The following HBS1L variants were observed in gnomAD, a reference collection of about 807,000 sequenced individuals.
HBS1L encodes the protein HBS1-like protein.
In HBS1L, 55 loss-of-function variants were observed where a neutral mutation model predicts 88.9. That is an observed-to-expected ratio of 0.62 (90% CI 0.50 to 0.77). The LOEUF is 0.77. HBS1L is among the 30% of genes least tolerant of loss of function. HBS1L has a pLI of 0.00. For synonymous variants in HBS1L, 267 were observed against 288.5 expected (o/e 0.93, Z 0.76); for missense variants, 741 against 829.3 (o/e 0.89, Z 1.31).
At chr6:135,028,897 G>T (rs111940478) in intron 4 of HBS1L, among the ~76,000 whole-genome samples, 1 of 151,932 alleles carries the variant, frequency 6.6e-6, no homozygotes, top group African/African-American at 2.4e-5. Flanking sequence ...AAGACAAGCT[G>T]TTTCTAAAGC....
chr6:134,968,873 A>T (rs190410263), intron 16 of HBS1L, among the ~76,000 whole-genome samples: 6 of 152,334 alleles, frequency 3.9e-5, no homozygotes, highest in Admixed American at 3.3e-4. Flanking sequence ...CAAGAAAGTT[A>T]AACACGCAGT....
Position 135,039,689 on chromosome 6 carries a change from A to G in HBS1L, c.314T>C (p.Val105Ala), listed in dbSNP as rs149078548. The G allele has an allele frequency of 1.0e-3, 1,612 of 1,613,920 alleles. No individual in the cohort carries two copies. Among genetic ancestry groups the G allele is most frequent in the Non-Finnish European group, 1.3e-3 (1,529 of 1,179,992 alleles). The part of the protein sequence containing the change: ...AVPDEILIEA[V>A]LKNKFDVQKA... ...CTGCACATCAAACTTGTTCTTCAGA[A>G]CTGCTTCAATTAATATTTCATCTGG... is the stretch of plus-strand genomic sequence containing the variant. The change falls in exon 4 of 18, where the codon GTT becomes GCT. Residue 105 changes from valine to alanine, a missense_variant. By Grantham distance (64) the Val-to-Ala change is moderately conservative (BLOSUM62 0). Around this residue, in one of 3 missense-constraint regions of HBS1L, gnomAD observed 556 missense variants for 598.4 expected, o/e 0.93. Transcript: ENST00000367837.
intron 4 of HBS1L, among the ~76,000 whole-genome samples, chr6:135,004,467 T>A (rs1775553718): frequency 6.6e-6 from 1 of 151,822 alleles, no homozygotes; most frequent in African/African-American, 2.4e-5. Flanking sequence ...GAAGCTTGTA[T>A]AATGGTCCTC....
At chr6:135,004,096 C>T (rs1220289444) in intron 4 of HBS1L, among the ~76,000 whole-genome samples, 1 of 151,916 alleles carries the variant, frequency 6.6e-6, no homozygotes, top group Non-Finnish European at 1.5e-5. Flanking sequence ...ACAGAAACCA[C>T]TAACAATATA....
intron 12 of HBS1L, among the ~76,000 whole-genome samples, 164 bp downstream of exon 12, chr6:134,985,177 A>T (rs796651714): frequency 2.6e-5 from 4 of 152,226 alleles, no homozygotes; most frequent in African/African-American, 9.6e-5. Context: ...CTAAGTGACT[A>T]AATCTGTGCA....
chr6:134,996,121 AATT>A (rs1228192065), intron 7 of HBS1L, among the ~76,000 whole-genome samples: 2 of 152,108 alleles, frequency 1.3e-5, no homozygotes, highest in African/African-American at 4.8e-5. Context: ...CCATTTCACT[AATT>A]ATTAAGGTGT....
intron 4 of HBS1L, among the ~76,000 whole-genome samples, chr6:135,005,412 G>A (rs1775583207): frequency 1.3e-5 from 2 of 152,176 alleles, no homozygotes; most frequent in Admixed American, 1.3e-4. Flanking sequence ...GCAATGTGTC[G>A]ATTACAGGGA....
chr6:134,972,806 C>T (rs533317442), intron 15 of HBS1L, among the ~76,000 whole-genome samples: 1 of 152,266 alleles, frequency 6.6e-6, no homozygotes, highest in African/African-American at 2.4e-5. Flanking sequence ...CCAATAAGCA[C>T]ATGAAAAGAT....
At chr6:135,013,228 T>C (rs1360004515) in intron 4 of HBS1L, among the ~76,000 whole-genome samples, 2 of 152,206 alleles carry the variant, frequency 1.3e-5, no homozygotes, top group Non-Finnish European at 2.9e-5. Context: ...AATGAGCCAA[T>C]ACATGTAAAG....
chr6:135,010,272 G>A (rs1387805667), intron 4 of HBS1L, among the ~76,000 whole-genome samples: 2 of 152,110 alleles, frequency 1.3e-5, no homozygotes, highest in African/African-American at 2.4e-5. Context: ...TTCAGAGACT[G>A]AGTTTACCCC....
chr6:135,019,262 T>C (rs1191745124), intron 4 of HBS1L, among the ~76,000 whole-genome samples: 2 of 151,836 alleles, frequency 1.3e-5, no homozygotes, highest in Non-Finnish European at 2.9e-5. Flanking sequence ...CTCTTCTAAA[T>C]TAATGTGGAA....
chr6:134,975,797 C>T (rs1034634453), intron 15 of HBS1L, among the ~76,000 whole-genome samples: 3 of 152,038 alleles, frequency 2.0e-5, no homozygotes, highest in African/African-American at 7.2e-5. Context: ...GGAACTGAAA[C>T]CATGGAAATT....
intron 4 of HBS1L, among the ~76,000 whole-genome samples, chr6:135,032,314 T>G (rs10872427): frequency 2.6e-5 from 4 of 151,234 alleles, no homozygotes; most frequent in Admixed American, 2.0e-4. Context: ...TTTCTTTCAA[T>G]GTAGCTTTTA....
At chr6:135,020,977 T>C (rs1346766663) in intron 4 of HBS1L, among the ~76,000 whole-genome samples, 2 of 151,970 alleles carry the variant, frequency 1.3e-5, no homozygotes, top group East Asian at 3.8e-4. Flanking sequence ...AGGACTAATA[T>C]ACTCTAATAT....
At chr6:135,026,611 A>C (rs1776233423) in intron 4 of HBS1L, among the ~76,000 whole-genome samples, 1 of 152,172 alleles carries the variant, frequency 6.6e-6, no homozygotes, top group Admixed American at 6.5e-5. Flanking sequence ...GATACAACTA[A>C]ACCAAAGTCA....
intron 4 of HBS1L, among the ~76,000 whole-genome samples, chr6:135,018,261 T>A (rs933570782): frequency 1.3e-5 from 2 of 152,080 alleles, no homozygotes; most frequent in Non-Finnish European, 2.9e-5. Context: ...CTATGGAGAA[T>A]AAACCACTTC....
chr6:134,980,611 G>T (rs1485528114), intron 13 of HBS1L, among the ~76,000 whole-genome samples: 1 of 151,810 alleles, frequency 6.6e-6, no homozygotes, highest in Non-Finnish European at 1.5e-5. Context: ...TTTTCCAAAG[G>T]TAATTATATT....
intron 16 of HBS1L, among the ~76,000 whole-genome samples, chr6:134,968,985 T>C (rs1367388947): frequency 6.6e-6 from 1 of 152,138 alleles, no homozygotes; most frequent in South Asian, 2.1e-4. Context: ...TAAGTTTATA[T>C]TTACATTTAT....
intron 4 of HBS1L, among the ~76,000 whole-genome samples, chr6:135,038,942 A>G (rs1776642981): frequency 6.6e-6 from 1 of 152,178 alleles, no homozygotes; most frequent in Non-Finnish European, 1.5e-5. Flanking sequence ...TAACAATTAA[A>G]AAGTTCTATA....
Sources: gnomAD v4.1 joint callset for allele counts (sites outside exome capture counted in the v4.1 genomes callset) on GRCh38, gnomAD v4.1.1 for gene constraint, gnomAD v4.1.1 regional missense constraint, MANE v1.5 for transcripts, NCBI Gene and HGNC (gene_info 2026-07-23, HGNC 2026-07-21) for gene names.